The following THEM5 variants were observed in gnomAD, a reference collection of about 807,000 sequenced individuals.
The protein encoded by THEM5 is thioesterase superfamily member 5, also known as acyl-coenzyme A thioesterase THEM5.
THEM5 carries 28 observed loss-of-function variants against 24.2 expected under a neutral mutation model. That is an observed-to-expected ratio of 1.16 (90% confidence interval 0.86 to 1.59). THEM5 has a LOEUF of 1.59. Among genes scored for constraint, THEM5 ranks in the 40% most tolerant of loss-of-function variants. THEM5 has a pLI of 0.00. For missense variants in THEM5, 260 were observed against 296.8 expected (o/e 0.88, Z 0.91); for synonymous variants, 87 against 114.5 (o/e 0.76, Z 1.53).
At chr1:151,852,105 G>A (rs913567811) in intron 2 of THEM5, among the ~76,000 whole-genome samples, 153 bp downstream of exon 2, 8 of 152,130 alleles carry the variant, frequency 5.3e-5, no homozygotes, top group Non-Finnish European at 8.8e-5. Flanking sequence ...GAGGACACCC[G>A]CCGCCTGTTG....
Position 151,848,387 on chromosome 1 carries a change from C to G in THEM5, c.465-95G>C, listed in dbSNP as rs1387053129. The G allele has an allele frequency of 3.2e-6, 3 of 938,592 alleles. No individual in the cohort carries two copies. The Admixed American group carries it at 5.7e-5, about 18-fold the overall frequency. 58.1% of individuals were successfully genotyped at this position (938,592 alleles called of 1,614,324 possible). ...TCCCTCCCTCCTGTGGTGATCCTAC[C>G]TTTCCCTTTCCCTAGACCCTTCCAA... On this transcript the variant is annotated intron_variant, in intron 3 of 5. Coordinates refer to ENST00000368817, the MANE Select transcript of THEM5 (RefSeq NM_182578.4).
intron 4 of THEM5, 94 bp from the exon 5 acceptor site, chr1:151,847,956 G>A (rs979516107): frequency 1.7e-5 from 26 of 1,572,020 alleles, no homozygotes; most frequent in African/African-American, 2.7e-5. Context: ...CATCCCTCCC[G>A]GCCTCGAGGA....
Position 151,852,819 on chromosome 1 carries a change from C to T in THEM5, c.124-360G>A, listed in dbSNP as rs117343950. 7.8e-4 allele frequency among the ~76,000 whole-genome samples: 119 copies of T among 152,318 alleles called. 1 individual carries two copies. The East Asian group carries it at 0.019, about 24-fold the overall frequency. ...TACAGATGGGGAAACTGAGGGAATA[C>T]GGCCAAGGTTGCCAAGCATGTGACT... On this transcript the variant is annotated intron_variant, in intron 1 of 5. Transcript: ENST00000368817.
intron 3 of THEM5, 40 bp from the exon 4 acceptor site, chr1:151,848,332 G>A (rs1189646475): frequency 6.5e-7 from 1 of 1,546,220 alleles, no homozygotes; most frequent in Non-Finnish European, 8.9e-7. Context: ...CCTGGGCTGG[G>A]GCTGCTGGGC....
At chr1:151,850,607 G>T (rs1163376527) in intron 3 of THEM5, among the ~76,000 whole-genome samples, 1 of 152,128 alleles carries the variant, frequency 6.6e-6, no homozygotes, top group Admixed American at 6.5e-5. Flanking sequence ...GCACACATAG[G>T]CCCATAATAT....
chr1:151,852,295 C>T lies in THEM5; in HGVS notation c.288G>A (p.Arg96=). Residue 96 remains arginine (R), a synonymous_variant, in exon 2 of 6, where the codon CGG becomes CGA. Coordinates refer to ENST00000368817, the MANE Select transcript of THEM5 (RefSeq NM_182578.4). ...CCAGTCCAGATGGGAGCTTGAGTCC[C>T]CGGATGTGGTCTCTGTTGGACTTGA... is the stretch of plus-strand genomic sequence containing the variant. ...PSFKSNRDHI[R]GLKLPSGLAV... The T allele has an allele frequency of 6.2e-7, 1 of 1,613,936 alleles. No individual in the cohort carries two copies. The highest frequency in any genetic ancestry group is 1.1e-5 in the South Asian group (1 of 91,058).
chr1:151,848,303 G>T lies in THEM5; in HGVS notation c.465-11C>A. The T allele has an allele frequency of 6.2e-7, 1 of 1,611,524 alleles. No individual in the cohort carries two copies. The highest frequency in any genetic ancestry group is 1.7e-5 in the Admixed American group (1 of 60,024). On this transcript the variant is annotated splice_polypyrimidine_tract_variant and intron_variant, in intron 3 of 5. Transcript: ENST00000368817. ...CCGCCGTGAGCAAACCTGGGGGTGG[G>T]GTAAGGTGAGGAGCAAGGCCTGGGC...
chr1:151,848,882 T>G (rs1653026967), intron 3 of THEM5, among the ~76,000 whole-genome samples: 1 of 152,226 alleles, frequency 6.6e-6, no homozygotes, highest in Non-Finnish European at 1.5e-5. Flanking sequence ...ATGCTGAAAT[T>G]GAGCTGAAAT....
In THEM5 at chr1:151,853,590, G is replaced by T; in HGVS notation, c.-25C>A. On this transcript the variant is annotated 5_prime_UTR_variant, in exon 1 of 6. Coordinates refer to ENST00000368817, the MANE Select transcript of THEM5 (RefSeq NM_182578.4). ...TGGCCAAGTGCAAGGATCCAGCCCT[G>T]CTTGGATGGAGGGTCTTGGCTGACT... The T allele has an allele frequency of 6.3e-7, 1 of 1,599,166 alleles. No individual in the cohort carries two copies. Among genetic ancestry groups the T allele is most frequent in the Non-Finnish European group, 8.5e-7 (1 of 1,172,076 alleles).
chr1:151,850,909 T>G (rs192418986), intron 3 of THEM5, 144 bp downstream of exon 3: 2 of 1,022,110 alleles, frequency 2.0e-6, no homozygotes, highest in South Asian at 1.7e-5. Flanking sequence ...AGGCCTGGTA[T>G]TGTGAGGCTG....
intron 1 of THEM5, 49 bp from the exon 2 acceptor site, chr1:151,852,508 G>T (rs1463076001): frequency 1.9e-6 from 3 of 1,588,130 alleles, no homozygotes; most frequent in Non-Finnish European, 2.6e-6. Flanking sequence ...GAGGGGGGCT[G>T]CTGCCTGGGC....
Position 151,847,795 on chromosome 1 carries a change from A to G in THEM5, c.643T>C (p.Tyr215His), listed in dbSNP as rs2101696928. 6.2e-7 allele frequency: 1 copy of G among 1,614,058 alleles called. No individual in the cohort carries two copies. Among genetic ancestry groups the G allele is most frequent in the East Asian group, 2.2e-5 (1 of 44,864 alleles). ...ELDKIEDQKLYMSCIAHSRDQ... is the reference protein window; with the variant it reads ...ELDKIEDQKLHMSCIAHSRDQ... ...CTGCTGTGGGCGATGCAGGACATGT[A>G]AAGCTTCTGGTCCTCAATCTTGTCC... Residue 215 changes from tyrosine to histidine, a missense_variant, in exon 5 of 6, where the codon TAC (tyrosine) becomes CAC (histidine). Physicochemically the swap from Tyr to His is moderately conservative, Grantham distance 83. Transcript: ENST00000368817.
intron 3 of THEM5, among the ~76,000 whole-genome samples, chr1:151,848,567 GT>G (rs1424314030): frequency 6.6e-6 from 1 of 152,192 alleles, no homozygotes. Flanking sequence ...CAGGGAAATT[GT>G]TTTTTTCTGA....
At position 151,852,326 on chromosome 1, in the gene THEM5, G is replaced by T; in HGVS notation, c.257C>A (p.Pro86His). 1.9e-6 allele frequency: 3 copies of T among 1,614,118 alleles called. No homozygotes were observed. Among genetic ancestry groups the T allele is most frequent in the Non-Finnish European group, 2.5e-6 (3 of 1,180,022 alleles). ...KTKSSGWIKLPSFKSNRDHIR... is the reference protein window; with the variant it reads ...KTKSSGWIKLHSFKSNRDHIR... ...GTGGTCTCTGTTGGACTTGAAGGAG[G>T]GCAGCTTGATCCAGCCGCTAGACTT... Residue 86 changes from proline (P) to histidine (H), a missense_variant, in exon 2 of 6, where the codon CCC becomes CAC. Coordinates refer to ENST00000368817, the MANE Select transcript of THEM5 (RefSeq NM_182578.4).
chr1:151,847,793 G>C lies in THEM5; in HGVS notation c.645C>G (p.Tyr215Ter), dbSNP rs1431233015. 6.2e-7 allele frequency: 1 copy of C among 1,613,942 alleles called. No individual in the cohort carries two copies. The highest frequency in any genetic ancestry group is 1.3e-5 in the African/African-American group (1 of 74,890). Reference protein sequence around the residue: ...ELDKIEDQKLYMSCIAHSRDQ... With the variant: ...ELDKIEDQKL ...CTCTGCTGTGGGCGATGCAGGACAT[G>C]TAAAGCTTCTGGTCCTCAATCTTGT... The change falls in exon 5 of 6, where the codon TAC becomes TAG. Residue 215 changes from tyrosine (Y) to a stop codon, truncating the protein, a stop_gained. Coordinates refer to ENST00000368817, the MANE Select transcript of THEM5 (RefSeq NM_182578.4). LOFTEE classifies it high-confidence loss of function.
Position 151,847,153 on chromosome 1 carries a change from A to T in THEM5, c.*218T>A. ...AGAAAAGGGTCCTTTCCCTCGCCTCACCAATTGCTGCTTGAGGACCCCTCC... is the reference window on the plus strand; with the variant it reads ...AGAAAAGGGTCCTTTCCCTCGCCTCTCCAATTGCTGCTTGAGGACCCCTCC... On this transcript the variant is annotated 3_prime_UTR_variant, in exon 6 of 6. Transcript: ENST00000368817. 1.3e-6 allele frequency: 1 copy of T among 747,624 alleles called. No individual in the cohort carries two copies. The highest frequency in any genetic ancestry group is 2.4e-6 in the Non-Finnish European group (1 of 412,130). The allele number at this position is 747,624 out of a possible 1,614,324, so 46.3% of individuals were successfully genotyped here. A position where few individuals can be genotyped will look rare whatever the true frequency, so the allele number is the denominator to read the frequency against.
intron 1 of THEM5, among the ~76,000 whole-genome samples, chr1:151,853,067 A>C (rs1047183970): frequency 2.0e-5 from 3 of 152,190 alleles, no homozygotes; most frequent in African/African-American, 7.2e-5. Context: ...TGACGTAAGG[A>C]AGTCCTCTGT....
chr1:151,847,928 T>C (rs1275481397), intron 4 of THEM5, 66 bp from the exon 5 acceptor site: 1 of 1,604,684 alleles, frequency 6.2e-7, no homozygotes, highest in Non-Finnish European at 8.5e-7. Flanking sequence ...TCACTCTCTG[T>C]GTCCTCTTCC....
At chr1:151,851,301 A>G (rs1432640218) in intron 2 of THEM5, 110 bp from the exon 3 acceptor site, 2 of 1,418,830 alleles carry the variant, frequency 1.4e-6, no homozygotes, top group Non-Finnish European at 2.0e-6. Context: ...AGAAAACCAG[A>G]GGACACCAGG....
Sources: gnomAD v4.1 joint callset for allele counts (sites outside exome capture counted in the v4.1 genomes callset) on GRCh38, gnomAD v4.1.1 for gene constraint, MANE v1.5 for transcripts, NCBI Gene and HGNC (gene_info 2026-07-23, HGNC 2026-07-21) for gene names.